The following PTCSC3 variants were observed in gnomAD, a reference collection of about 807,000 sequenced individuals.
PTCSC3 encodes papillary thyroid carcinoma susceptibility candidate 3 (non-protein coding).
chr14:36,164,442 G>A (rs1322099304), intron 1 of PTCSC3, among the ~76,000 whole-genome samples: 1 of 152,136 alleles, frequency 6.6e-6, no homozygotes, highest in Non-Finnish European at 1.5e-5. Context: ...CAATTTCAAA[G>A]TTGTAATCCT....
At chr14:36,171,159 T>C (rs1029967352) in intron 1 of PTCSC3, among the ~76,000 whole-genome samples, 1 of 152,180 alleles carries the variant, frequency 6.6e-6, no homozygotes, top group Non-Finnish European at 1.5e-5. Context: ...ATAATCCTTC[T>C]GTAGGTTAAG....
intron 2 of PTCSC3, among the ~76,000 whole-genome samples, chr14:36,160,603 G>A (rs988522794): frequency 1.3e-5 from 2 of 152,040 alleles, no homozygotes; most frequent in Admixed American, 1.3e-4. Context: ...CTTTTAGTCT[G>A]ATGGGCTTCC....
chr14:36,141,251 A>G (rs1422436353), intron 3 of PTCSC3, among the ~76,000 whole-genome samples: 1 of 152,036 alleles, frequency 6.6e-6, no homozygotes, highest in African/African-American at 2.4e-5. Context: ...TTTAGAATCA[A>G]TTTGTTGATA....
At chr14:36,175,091 T>C (rs1212399009) in intron 1 of PTCSC3, among the ~76,000 whole-genome samples, 1 of 152,196 alleles carries the variant, frequency 6.6e-6, no homozygotes, top group Non-Finnish European at 1.5e-5. Context: ...CCTCTCTCTC[T>C]ACATAGCTCC....
intron 1 of PTCSC3, among the ~76,000 whole-genome samples, chr14:36,175,589 C>T (rs963175558): frequency 7.2e-5 from 11 of 152,078 alleles, no homozygotes; most frequent in Admixed American, 3.9e-4. Context: ...GCAAAATGCC[C>T]GATATGCCCG....
At chr14:36,164,763 A>G (rs1474966307) in intron 1 of PTCSC3, among the ~76,000 whole-genome samples, 2 of 152,214 alleles carry the variant, frequency 1.3e-5, no homozygotes, top group Non-Finnish European at 2.9e-5. Context: ...AGACATCAGA[A>G]CCATTTTTAC....
intron 2 of PTCSC3, among the ~76,000 whole-genome samples, chr14:36,156,189 A>G (rs1438783014): frequency 1.3e-5 from 2 of 152,218 alleles, no homozygotes; most frequent in African/African-American, 4.8e-5. Context: ...AGCATTGCAG[A>G]CTGAGAACAG....
chr14:36,147,827 C>T lies in PTCSC3; in HGVS notation n.322+5977G>A, dbSNP rs1239356830. Among the ~76,000 whole-genome samples the T allele has an allele frequency of 2.0e-5, 3 of 151,936 alleles. No individual in the cohort carries two copies. The East Asian group carries it at 5.8e-4, about 29-fold the overall frequency. ...TTTGGTCTTTGATGATGGTGATGTACAGATGGGTTTTTGGTGTGGAAGTCC... is the reference window on the plus strand; with the variant it reads ...TTTGGTCTTTGATGATGGTGATGTATAGATGGGTTTTTGGTGTGGAAGTCC... On this transcript the variant is annotated intron_variant and non_coding_transcript_variant, in intron 3 of 3. Coordinates refer to ENST00000556013, the Ensembl canonical transcript of PTCSC3.
At chr14:36,164,448 A>G (rs1169926568) in intron 1 of PTCSC3, among the ~76,000 whole-genome samples, 1 of 152,220 alleles carries the variant, frequency 6.6e-6, no homozygotes, top group African/African-American at 2.4e-5. Flanking sequence ...CAAAGTTGTA[A>G]TCCTTGCATT....
chr14:36,169,022 C>T (rs1304128359), intron 1 of PTCSC3, among the ~76,000 whole-genome samples: 2 of 151,998 alleles, frequency 1.3e-5, no homozygotes, highest in African/African-American at 2.4e-5. Context: ...GTCTGGTTGA[C>T]CCCTTTATTT....
At chr14:36,163,129 A>G (rs1424897125) in intron 1 of PTCSC3, among the ~76,000 whole-genome samples, 1 of 152,106 alleles carries the variant, frequency 6.6e-6, no homozygotes, top group Admixed American at 6.5e-5. Context: ...ACACACCTAC[A>G]TAGAAGGCTG....
At chr14:36,154,825 AAAT>A (rs1881795687) in intron 2 of PTCSC3, among the ~76,000 whole-genome samples, 1 of 152,306 alleles carries the variant, frequency 6.6e-6, no homozygotes, top group Non-Finnish European at 1.5e-5. Context: ...AGATGTCTGT[AAAT>A]AATTTTAATT....
downstream of PTCSC3, among the ~76,000 whole-genome samples, chr14:36,135,844 G>C (rs1255662515): frequency 1.3e-5 from 2 of 151,820 alleles, no homozygotes; most frequent in East Asian, 3.9e-4. Context: ...GTATTAGTCA[G>C]GGTTCTCTAG....
At chr14:36,162,282 A>C (rs77578721) in intron 2 of PTCSC3, among the ~76,000 whole-genome samples, 24,084 of 127,694 alleles carry the variant, frequency 0.19, 2,505 homozygotes, top group South Asian at 0.29. Context: ...AAAAAAAAAA[A>C]AAACTCCTGC....
At chr14:36,157,757 G>A (rs1566508060) in intron 2 of PTCSC3, among the ~76,000 whole-genome samples, 2 of 151,896 alleles carry the variant, frequency 1.3e-5, no homozygotes, top group Non-Finnish European at 2.9e-5. Context: ...TTTTGGTTCC[G>A]TATGAAATTT....
chr14:36,135,736 G>T (rs114724025), downstream of PTCSC3, among the ~76,000 whole-genome samples: 17 of 152,218 alleles, frequency 1.1e-4, no homozygotes, highest in African/African-American at 3.9e-4. Context: ...CTTTTATTAG[G>T]AAGTCTTTTA....
intron 2 of PTCSC3, among the ~76,000 whole-genome samples, chr14:36,159,082 G>A (rs1881892133): frequency 6.6e-6 from 1 of 151,922 alleles, no homozygotes; most frequent in African/African-American, 2.4e-5. Flanking sequence ...TTGTATTTCT[G>A]TGGGATCAGT....
intron 1 of PTCSC3, among the ~76,000 whole-genome samples, chr14:36,172,841 C>A (rs1882213467): frequency 2.0e-5 from 3 of 152,066 alleles, no homozygotes; most frequent in Admixed American, 2.0e-4. Context: ...GCCTCCCAGC[C>A]CTCTGAATTT....
intron 3 of PTCSC3, among the ~76,000 whole-genome samples, chr14:36,148,417 C>T (rs1192657724): frequency 6.6e-6 from 1 of 152,146 alleles, no homozygotes; most frequent in Admixed American, 6.5e-5. Context: ...GTGGGAGTGA[C>T]CCGATTTTCC....
Sources: gnomAD v4.1 joint callset for allele counts (sites outside exome capture counted in the v4.1 genomes callset) on GRCh38, gnomAD v4.1.1 for gene constraint, MANE v1.5 for transcripts, NCBI Gene and HGNC (gene_info 2026-07-23, HGNC 2026-07-21) for gene names.